Variants in RNF146 observed in about 807,000 individuals in gnomAD.
RNF146 encodes ring finger protein 146.
A neutral mutation model predicts 29.7 loss-of-function variants in RNF146; 11 were observed. That is an observed-to-expected ratio of 0.37 (90% CI 0.23 to 0.61). The LOEUF (loss-of-function observed/expected upper bound fraction) is 0.61. Among genes scored for constraint, RNF146 ranks in the 20% least tolerant of loss-of-function variants. The pLI is 0.66. For missense variants in RNF146, 342 were observed against 438.9 expected, an observed-to-expected ratio of 0.78 and a Z score of 1.97; for synonymous variants, 150 against 159.7, an observed-to-expected ratio of 0.94 and a Z score of 0.46.
At chr6:127,284,906 G>C (rs1286071800) in intron 2 of RNF146, among the ~76,000 whole-genome samples, 1 of 151,578 alleles carries the variant, frequency 6.6e-6, no homozygotes, top group Non-Finnish European at 1.5e-5. Flanking sequence ...GCTATCATTA[G>C]TGTTAATGCA....
At chr6:127,285,719 CCA>C (rs1779424740) in intron 2 of RNF146, among the ~76,000 whole-genome samples, 1 of 151,796 alleles carries the variant, frequency 6.6e-6, no homozygotes, top group Admixed American at 6.6e-5. Flanking sequence ...GCTCCACTGC[CCA>C]GCCCCTCTGA....
chr6:127,267,387 G>A (rs1244910253), intron 1 of RNF146, among the ~76,000 whole-genome samples: 1 of 152,144 alleles, frequency 6.6e-6, no homozygotes, highest in Non-Finnish European at 1.5e-5. Context: ...TCCCCTCTGG[G>A]CCGTGGTTTT....
chr6:127,272,490 A>C (rs1582865011), intron 1 of RNF146, among the ~76,000 whole-genome samples: 1 of 152,214 alleles, frequency 6.6e-6, no homozygotes, highest in East Asian at 1.9e-4. Context: ...TCACCAAAGC[A>C]TGCAAGATTT....
intron 1 of RNF146, among the ~76,000 whole-genome samples, chr6:127,276,337 A>T (rs1318726579): frequency 6.6e-6 from 1 of 152,052 alleles, no homozygotes; most frequent in African/African-American, 2.4e-5. Flanking sequence ...GGGATTAGGA[A>T]TAAAAGTTGA....
intron 1 of RNF146, among the ~76,000 whole-genome samples, chr6:127,272,330 G>A (rs1465261787): frequency 6.6e-6 from 1 of 152,124 alleles, no homozygotes. Context: ...CCCAGGTAGT[G>A]CTGATAGTAC....
chr6:127,280,400 G>A (rs989836963), intron 2 of RNF146, 60 bp downstream of exon 2: 130 of 1,527,078 alleles, frequency 8.5e-5, no homozygotes, highest in Middle Eastern at 1.9e-4. Flanking sequence ...TTGGTTTAAC[G>A]TGTGGTAAAT....
chr6:127,287,467 T>C lies in RNF146; in HGVS notation c.854T>C (p.Ile285Thr), dbSNP rs773162790. The part of the protein sequence containing the change: ...SGRVPAPDTS[I>T]EETESDASSD... ...AGGGTACCAGCACCAGACACCTCCATTGAAGAAACTGAATCAGATGCCAGT... is the reference window on the plus strand; with the variant it reads ...AGGGTACCAGCACCAGACACCTCCACTGAAGAAACTGAATCAGATGCCAGT... Residue 285 changes from isoleucine (I) to threonine (T), a missense_variant, in exon 3 of 3, where the codon ATT (isoleucine) becomes ACT (threonine). Ile to Thr is a moderately conservative substitution (Grantham distance 89). This residue lies in a region of RNF146 where 196 missense variants were observed against 208.9 expected (regional missense o/e 0.94). Coordinates refer to ENST00000368314, the MANE Select transcript of RNF146 (RefSeq NM_001242850.2). 7 of 1,613,246 alleles carry C rather than the reference T, an allele frequency of 4.3e-6. No homozygotes were observed. In the Admixed American group the frequency reaches 5.0e-5, roughly 12 times the overall value.
chr6:127,270,721 C>CA (rs1412808855), intron 1 of RNF146, among the ~76,000 whole-genome samples: 2 of 152,044 alleles, frequency 1.3e-5, no homozygotes, highest in African/African-American at 4.8e-5. Context: ...CCTGAGAGAG[C>CA]AAAACCAATG....
intron 1 of RNF146, among the ~76,000 whole-genome samples, chr6:127,272,890 C>A (rs1323553480): frequency 6.6e-6 from 1 of 152,114 alleles, no homozygotes; most frequent in Non-Finnish European, 1.5e-5. Context: ...TATATTCTTA[C>A]AATAAGCTAA....
intron 1 of RNF146, among the ~76,000 whole-genome samples, chr6:127,274,259 A>G (rs1001645569): frequency 2.6e-5 from 4 of 152,226 alleles, no homozygotes; most frequent in African/African-American, 9.6e-5. Flanking sequence ...CAGCTATGTG[A>G]AATAGTTTTA....
rs146841062 is a variant in RNF146 at position 127,277,467 on chromosome 6, T to C, written c.-108-2764T>C. Among the ~76,000 whole-genome samples, 332 of 152,094 alleles carry C rather than the reference T, an allele frequency of 2.2e-3. 2 individuals are homozygous for C. Among genetic ancestry groups the C allele is most frequent in the African/African-American group, 7.5e-3 (312 of 41,518 alleles). ...GTTTAGTCAGTATATTAGGCAGTGT[T>C]CTCTAGGGGGACAGAACTAATAGAA... is the stretch of plus-strand genomic sequence containing the variant. On this transcript the variant is annotated intron_variant, in intron 1 of 2. Coordinates refer to ENST00000368314, the MANE Select transcript of RNF146 (RefSeq NM_001242850.2).
rs758879979 is a variant in RNF146 at position 127,286,675 on chromosome 6, C to T, written c.62C>T (p.Ala21Val). 1.6e-5 allele frequency: 26 copies of T among 1,612,886 alleles called. No homozygotes were observed. Among genetic ancestry groups the T allele is most frequent in the Non-Finnish European group, 2.2e-5 (26 of 1,179,438 alleles). ...SINMLPTNRKANESCSNTAPS... is the reference protein window; with the variant it reads ...SINMLPTNRKVNESCSNTAPS... ...AACATGCTTCCTACAAACAGGAAAG[C>T]GAACGAGTCCTGTTCTAATACTGCA... The change falls in exon 3 of 3, where the codon GCG becomes GTG. Residue 21 changes from alanine to valine, a missense_variant. Around this residue, in one of 6 missense-constraint regions of RNF146, gnomAD observed 39 missense variants for 43.1 expected, o/e 0.90. Coordinates refer to ENST00000368314, the MANE Select transcript of RNF146 (RefSeq NM_001242850.2). The surrounding 1 kb of genome is among the most constrained non-coding windows in gnomAD (Gnocchi z 4.6).
At chr6:127,283,985 A>T (rs1261084080) in intron 2 of RNF146, among the ~76,000 whole-genome samples, 4 of 151,774 alleles carry the variant, frequency 2.6e-5, no homozygotes, top group Admixed American at 2.0e-4. Flanking sequence ...CTTAGTTTTG[A>T]AATTATGTGT....
intron 1 of RNF146, among the ~76,000 whole-genome samples, chr6:127,267,631 C>T (rs1776847485): frequency 6.6e-6 from 1 of 152,176 alleles, no homozygotes; most frequent in Non-Finnish European, 1.5e-5. Flanking sequence ...TCGGTCTTGC[C>T]TAAAACGAAG....
At position 127,287,399 on chromosome 6, in the gene RNF146, T is replaced by C. The variant is rs1470166491; in HGVS notation, c.786T>C (p.His262=). ...GAGACAACACAGCTGAAAGGAGTCA[T>C]AGGGGAGAAGGAGAAGAAGATCATG... ...LSGDNTAERS[H]RGEGEEDHES... The change falls in exon 3 of 3, where the codon CAT becomes CAC. Residue 262 remains histidine (H), a synonymous_variant. Transcript: ENST00000368314. 9 of 1,613,264 alleles carry C rather than the reference T, an allele frequency of 5.6e-6. No individual in the cohort carries two copies. Among genetic ancestry groups the C allele is most frequent in the Non-Finnish European group, 6.8e-6 (8 of 1,179,642 alleles).
At chr6:127,270,551 A>G (rs934741491) in intron 1 of RNF146, among the ~76,000 whole-genome samples, 8 of 152,230 alleles carry the variant, frequency 5.3e-5, no homozygotes, top group Non-Finnish European at 1.2e-4. Flanking sequence ...TTGGTTTCAA[A>G]TAATGTGGGA....
In RNF146 at chr6:127,286,828, CTCTT is replaced by C; in HGVS notation, c.217_220del (p.Leu73ValfsTer66). ...GCTTCATGGCTTGGAAAGCGGTGTG[CTCTT>C]TGTCGACAAGAAATTCCCGAGGATT... On this transcript the variant is annotated frameshift_variant, in exon 3 of 3. Transcript: ENST00000368314. LOFTEE classifies it high-confidence loss of function. This position sits in a 1 kb window ranked among gnomAD's most constrained non-coding sequence, Gnocchi z 4.6. 6.2e-7 allele frequency: 1 copy of C among 1,613,198 alleles called. No homozygotes were observed. Among genetic ancestry groups the C allele is most frequent in the Non-Finnish European group, 8.5e-7 (1 of 1,179,586 alleles).
intron 2 of RNF146, among the ~76,000 whole-genome samples, chr6:127,282,548 G>T (rs1419008561): frequency 1.3e-5 from 2 of 151,702 alleles, no homozygotes; most frequent in African/African-American, 4.8e-5. Flanking sequence ...TGGTGAATGT[G>T]TCACCATCCA....
chr6:127,280,085 T>G, intron 1 of RNF146, 146 bp from the exon 2 acceptor site: 1 of 461,294 alleles, frequency 2.2e-6, no homozygotes, highest in Non-Finnish European at 3.9e-6. Context: ...GAACTTACAG[T>G]CATGTTGAAT....
Sources: gnomAD v4.1 joint callset for allele counts (sites outside exome capture counted in the v4.1 genomes callset) on GRCh38, gnomAD v4.1.1 for gene constraint, gnomAD v4.1.1 regional missense constraint, Gnocchi (gnomAD v3.1) non-coding constraint, MANE v1.5 for transcripts, NCBI Gene and HGNC (gene_info 2026-07-23, HGNC 2026-07-21) for gene names.